Variants in PCDH15 observed in about 807,000 individuals in gnomAD.
PCDH15 encodes protocadherin related 15.
PCDH15 carries 129 observed loss-of-function variants against 178.5 expected under a neutral mutation model. The ratio of observed to expected loss-of-function variants is 0.72; its 90% CI spans 0.63 to 0.84. The LOEUF (loss-of-function observed/expected upper bound fraction) is 0.84, where lower values mean the gene tolerates loss of function less well. PCDH15 is among the 40% of genes least tolerant of loss of function. PCDH15 has a pLI of 0.00. For synonymous variants in PCDH15, 800 were observed against 732.0 expected, an observed-to-expected ratio of 1.09 and a Z score of -1.50; for missense variants, 2,230 against 2,099.9, an observed-to-expected ratio of 1.06 and a Z score of -1.21.
chr10:55,508,311 T>C (rs1379967246), intron 2 of PCDH15, among the ~76,000 whole-genome samples: 2 of 151,742 alleles, frequency 1.3e-5, no homozygotes, highest in Admixed American at 1.3e-4. Context: ...ATATATTCTA[T>C]TAGAAATCAT....
At chr10:55,326,367 T>G (rs1380056867) in intron 2 of PCDH15, among the ~76,000 whole-genome samples, 1 of 152,076 alleles carries the variant, frequency 6.6e-6, no homozygotes, top group African/African-American at 2.4e-5. Flanking sequence ...ATAAAGAAAA[T>G]GTAGTACATG....
At chr10:54,164,113 T>C (rs1188286645) in intron 13 of PCDH15, among the ~76,000 whole-genome samples, 1 of 152,184 alleles carries the variant, frequency 6.6e-6, no homozygotes, top group Non-Finnish European at 1.5e-5. Flanking sequence ...TAGTGAAAGT[T>C]TATTCCTAGG....
rs74630359 is a variant in PCDH15, at chr10:55,508,657, G to C, written c.-156+118968C>G. Among the ~76,000 whole-genome samples, 613 of 151,830 alleles carry C rather than the reference G, an allele frequency of 4.0e-3. 8 individuals carry two copies. The highest frequency in any genetic ancestry group is 0.014 in the African/African-American group (581 of 41,516). On this transcript the variant is annotated intron_variant, in intron 2 of 5. Coordinates refer to the PCDH15 transcript ENST00000613346. ...TGACATAGAATTTCCAAAGTTGTGAGCTTTCTAAACTGGTTGGGGAAAATT... is the reference window on the plus strand; with the variant it reads ...TGACATAGAATTTCCAAAGTTGTGACCTTTCTAAACTGGTTGGGGAAAATT...
intron 1 of PCDH15, among the ~76,000 whole-genome samples, chr10:54,719,410 G>T (rs2095518313): frequency 6.6e-6 from 1 of 151,980 alleles, no homozygotes; most frequent in Non-Finnish European, 1.5e-5. Context: ...TCCAGAGGAA[G>T]ATGAAGAAAA....
intron 3 of PCDH15, among the ~76,000 whole-genome samples, chr10:54,498,352 A>C (rs1418201125): frequency 6.6e-6 from 1 of 152,206 alleles, no homozygotes; most frequent in African/African-American, 2.4e-5. Flanking sequence ...ACAAGAATGC[A>C]CATAAGTACA....
intron 2 of PCDH15, among the ~76,000 whole-genome samples, chr10:54,529,348 G>C (rs761473099): frequency 6.6e-6 from 1 of 151,950 alleles, no homozygotes; most frequent in Non-Finnish European, 1.5e-5. Context: ...TGTCATCTCT[G>C]CTCTTGATTT....
chr10:55,122,567 C>T lies in PCDH15; in HGVS notation c.-80+44009G>A, dbSNP rs1359193720. On this transcript the variant is annotated intron_variant, in intron 2 of 5. Coordinates refer to the PCDH15 transcript ENST00000458638. Reference sequence around the variant, plus strand: ...TAAGATAGAAATGAGAAAAAAATGGCTATTTGAGTGATAAGATCAGTTTAT... The same window carrying T: ...TAAGATAGAAATGAGAAAAAAATGGTTATTTGAGTGATAAGATCAGTTTAT... Among the ~76,000 whole-genome samples the T allele has an allele frequency of 6.6e-5, 10 of 151,950 alleles. No homozygotes were observed. In the South Asian group the frequency reaches 2.1e-3, roughly 31 times the overall value.
rs549132943 is a variant in PCDH15 at position 53,822,634 on chromosome 10, A to G, written c.4368-2404T>C. The G allele has an allele frequency of 1.2e-6, 2 of 1,614,090 alleles. No homozygotes were observed. The highest frequency in any genetic ancestry group is 1.6e-4 in the Middle Eastern group (1 of 6,062). ...CAAGGCCTTGAAGGAGAAAGTTCCAAGGAACACTCAGCAGGAGAACTGATG... is the reference window on the plus strand; with the variant it reads ...CAAGGCCTTGAAGGAGAAAGTTCCAGGGAACACTCAGCAGGAGAACTGATG... On this transcript the variant is annotated intron_variant, in intron 32 of 37. Coordinates refer to ENST00000644397, the MANE Select transcript of PCDH15 (RefSeq NM_001384140.1).
intron 3 of PCDH15, among the ~76,000 whole-genome samples, chr10:54,411,596 C>G (rs549806399): frequency 6.6e-6 from 1 of 152,096 alleles, no homozygotes; most frequent in Non-Finnish European, 1.5e-5. Flanking sequence ...ACAGATATGT[C>G]TTTTTGCAGT....
At chr10:53,955,675 A>C (rs1439457787) in intron 23 of PCDH15, among the ~76,000 whole-genome samples, 2 of 152,166 alleles carry the variant, frequency 1.3e-5, no homozygotes, top group African/African-American at 4.8e-5. Context: ...ATAAATCTTG[A>C]GCTATCATTT....
intron 2 of PCDH15, among the ~76,000 whole-genome samples, chr10:55,394,606 G>A (rs1837877299): frequency 6.6e-6 from 1 of 151,656 alleles, no homozygotes; most frequent in Non-Finnish European, 1.5e-5. Context: ...TGAAGCCATT[G>A]AGAATATTGG....
intron 8 of PCDH15, among the ~76,000 whole-genome samples, chr10:54,296,845 T>C (rs1173022877): frequency 6.6e-6 from 1 of 152,200 alleles, no homozygotes; most frequent in African/African-American, 2.4e-5. Context: ...TCTCAGGGTA[T>C]GGCCCTCCAC....
intron 26 of PCDH15, among the ~76,000 whole-genome samples, chr10:53,894,662 C>A (rs775535707): frequency 2.6e-5 from 4 of 152,170 alleles, no homozygotes; most frequent in Admixed American, 6.5e-5. Flanking sequence ...ACTAAGTAAT[C>A]TACGCTATTT....
intron 20 of PCDH15, among the ~76,000 whole-genome samples, chr10:54,002,159 T>C (rs892641204): frequency 2.7e-4 from 41 of 151,802 alleles, no homozygotes; most frequent in African/African-American, 9.7e-4. Flanking sequence ...CACACACACA[T>C]ATATATTTTC....
chr10:54,303,957 C>A (rs1264283536), intron 8 of PCDH15, among the ~76,000 whole-genome samples: 1 of 152,026 alleles, frequency 6.6e-6, no homozygotes, highest in Non-Finnish European at 1.5e-5. Flanking sequence ...ACCTTAAAAG[C>A]AATTTTTTAA....
In PCDH15 at chr10:53,989,382, T is replaced by A. The variant is rs191970492; in HGVS notation, c.2868+6267A>T. 8.8e-4 allele frequency among the ~76,000 whole-genome samples: 134 copies of A among 152,274 alleles called. 1 individual carries two copies. The highest frequency in any genetic ancestry group is 5.2e-3 in the Admixed American group (79 of 15,290). On this transcript the variant is annotated intron_variant, in intron 21 of 37. Transcript: ENST00000644397. ...TGACAATTTCTAAATTAAAAGAGCA[T>A]TATTTACATCTGAATTGTTAATTCT...
chr10:55,374,854 A>G (rs1845583021), intron 2 of PCDH15, among the ~76,000 whole-genome samples: 1 of 152,106 alleles, frequency 6.6e-6, no homozygotes. Flanking sequence ...TTGAATAAAC[A>G]TAAATGAATA....
intron 26 of PCDH15, among the ~76,000 whole-genome samples, chr10:53,873,201 A>T (rs569092153): frequency 2.0e-5 from 3 of 152,200 alleles, no homozygotes; most frequent in Non-Finnish European, 4.4e-5. Context: ...TTACTTTACA[A>T]TCATGCCTTA....
At position 54,869,971 on chromosome 10, in the gene PCDH15, T is replaced by G. The variant is rs1954007316; in HGVS notation, c.-29+27479A>C. ...TGGAACTGACATAAAATATCACTTA[T>G]GAATGGGCTTGGAAGGTAAGTGAAA... On this transcript the variant is annotated intron_variant, in intron 3 of 5. Transcript: ENST00000458638. Among the ~76,000 whole-genome samples, 4 of 152,202 alleles carry G rather than the reference T, an allele frequency of 2.6e-5. No homozygotes were observed. In the South Asian group the frequency reaches 8.3e-4, roughly 31 times the overall value.
Sources: allele counts gnomAD v4.1 joint callset (sites outside exome capture counted in the v4.1 genomes callset), GRCh38; gene constraint gnomAD v4.1.1; transcripts MANE v1.5; gene names NCBI Gene and HGNC (gene_info 2026-07-23, HGNC 2026-07-21).